Variants in DOCK2 observed in about 807,000 individuals in gnomAD.
DOCK2 encodes dedicator of cytokinesis protein 2.
DOCK2 carries 87 observed loss-of-function variants against 248.9 expected under a neutral mutation model. That is an observed-to-expected ratio of 0.35 (90% CI 0.29 to 0.42). The LOEUF (loss-of-function observed/expected upper bound fraction) is 0.42, where lower values mean the gene tolerates loss of function less well. Among genes scored for constraint, DOCK2 ranks in the 10% least tolerant of loss-of-function variants. The pLI is 1.00. For missense variants in DOCK2, 1,747 were observed against 2,300.2 expected (o/e 0.76, Z 4.92); for synonymous variants, 805 against 821.6 (o/e 0.98, Z 0.35).
At chr5:169,947,931 C>T (rs1776510884) in intron 27 of DOCK2, among the ~76,000 whole-genome samples, 1 of 152,174 alleles carries the variant, frequency 6.6e-6, no homozygotes, top group Non-Finnish European at 1.5e-5. Context: ...TGCAGTGCCG[C>T]TGCGTTCTGC....
chr5:169,884,352 T>TA (rs1772847654), intron 27 of DOCK2: 1 of 153,746 alleles, frequency 6.5e-6, no homozygotes, highest in African/African-American at 2.4e-5. Context: ...GTCTAGAACA[T>TA]ACAGCTTTTT....
chr5:170,053,554 C>T (rs1581560014), intron 41 of DOCK2, among the ~76,000 whole-genome samples: 2 of 152,292 alleles, frequency 1.3e-5, no homozygotes, highest in South Asian at 2.1e-4. Context: ...CAGATTTGAC[C>T]GCAGGGCCAT....
intron 22 of DOCK2, among the ~76,000 whole-genome samples, chr5:169,745,849 T>C (rs1038042186): frequency 5.9e-5 from 9 of 152,310 alleles, no homozygotes; most frequent in African/African-American, 2.2e-4. Context: ...GTGGCAGTTA[T>C]CTCTGGTGGC....
In DOCK2 at chr5:169,877,786, G is replaced by C. The variant is rs780449124; in HGVS notation, c.2799+36934G>C. Among the ~76,000 whole-genome samples the C allele has an allele frequency of 7.9e-5, 12 of 152,262 alleles. No homozygotes were observed. The South Asian group carries it at 2.5e-3, about 32-fold the overall frequency. ...CTAAGGATAAGACGAGGAGCAGTCTGTCCAGGTGGACCCTGGACAAACAAA... is the reference window on the plus strand; with the variant it reads ...CTAAGGATAAGACGAGGAGCAGTCTCTCCAGGTGGACCCTGGACAAACAAA... On this transcript the variant is annotated intron_variant, in intron 27 of 51. Coordinates refer to ENST00000520908, the MANE Select transcript of DOCK2 (RefSeq NM_004946.3).
chr5:169,959,245 T>A (rs1167332563), intron 27 of DOCK2, among the ~76,000 whole-genome samples: 1 of 151,620 alleles, frequency 6.6e-6, no homozygotes, highest in African/African-American at 2.4e-5. Context: ...ACAAAAAAAA[T>A]AGCTGGGCGT....
intron 27 of DOCK2, among the ~76,000 whole-genome samples, chr5:169,898,202 G>T (rs1232718004): frequency 6.6e-6 from 1 of 152,096 alleles, no homozygotes; most frequent in Non-Finnish European, 1.5e-5. Context: ...GTGTCCCTGG[G>T]GCTCCCACAG....
intron 27 of DOCK2, among the ~76,000 whole-genome samples, chr5:169,877,215 G>A (rs1223621195): frequency 6.6e-6 from 1 of 152,200 alleles, no homozygotes; most frequent in Non-Finnish European, 1.5e-5. Flanking sequence ...CCCCATGGCT[G>A]GAGAGGAGCC....
Position 169,962,692 on chromosome 5 carries a change from G to A in DOCK2, c.2800-20376G>A, listed in dbSNP as rs144384775. On this transcript the variant is annotated intron_variant, in intron 27 of 51. Coordinates refer to ENST00000520908, the MANE Select transcript of DOCK2 (RefSeq NM_004946.3). ...CTTGAAATGACATATTGGAAAATAC[G>A]GCACTAAAAAGTAGGGAATGATAAC... is the stretch of plus-strand genomic sequence containing the variant. 3.3e-3 allele frequency among the ~76,000 whole-genome samples: 500 copies of A among 152,192 alleles called. 6 individuals are homozygous for A. The highest frequency in any genetic ancestry group is 0.011 in the African/African-American group (473 of 41,516).
At chr5:169,891,262 C>T (rs1012174717) in intron 27 of DOCK2, among the ~76,000 whole-genome samples, 9 of 152,192 alleles carry the variant, frequency 5.9e-5, no homozygotes, top group East Asian at 1.9e-4. Context: ...TCTCCCCTTC[C>T]GTGTCCCTCT....
At chr5:169,895,050 A>G (rs1042540660) in intron 27 of DOCK2, among the ~76,000 whole-genome samples, 1 of 152,060 alleles carries the variant, frequency 6.6e-6, no homozygotes, top group African/African-American at 2.4e-5. Context: ...GCTGGAATCG[A>G]TGTTGCATTC....
rs1182317986 is a variant in DOCK2 at position 169,804,494 on chromosome 5, G to GCGCGCA, written c.2703+1290_2703+1291insCGCACG. Among the ~76,000 whole-genome samples, 107 of 57,964 alleles carry GCGCGCA rather than the reference G, an allele frequency of 1.8e-3. 1 individual carries two copies. Among genetic ancestry groups the GCGCGCA allele is most frequent in the African/African-American group, 3.7e-3 (103 of 27,800 alleles). The allele number at this position is 57,964 out of a possible 152,430, so 38.0% of individuals were successfully genotyped here. A position where few individuals can be genotyped will look rare whatever the true frequency, so the allele number is the denominator to read the frequency against. ...TGTGTGTGTGTGTGTGTGCGCGCGCGCGTGCGCGTAAGCATTTTTGTCAAG... is the reference window on the plus strand; with the variant it reads ...TGTGTGTGTGTGTGTGTGCGCGCGCGCGCGCACGTGCGCGTAAGCATTTTTGTCAAG... On this transcript the variant is annotated intron_variant, in intron 26 of 51. Transcript: ENST00000520908.
intron 2 of DOCK2, among the ~76,000 whole-genome samples, chr5:169,667,521 A>G (rs1736862273): frequency 1.3e-5 from 2 of 152,232 alleles, no homozygotes; most frequent in South Asian, 2.1e-4. Flanking sequence ...TAATAATAAT[A>G]TTACAAAGTT....
chr5:169,720,414 T>G (rs769363516), intron 22 of DOCK2, among the ~76,000 whole-genome samples: 124 of 152,316 alleles, frequency 8.1e-4, no homozygotes, highest in Admixed American at 3.3e-3. Context: ...ATTTTATTGC[T>G]TCTCCTCTCT....
chr5:170,022,456 G>A (rs1755763432), intron 33 of DOCK2, among the ~76,000 whole-genome samples: 1 of 151,846 alleles, frequency 6.6e-6, no homozygotes, highest in Admixed American at 6.6e-5. Flanking sequence ...CAGCTGATGG[G>A]TTTGACTGAT....
At chr5:169,981,986 T>C (rs1010270419) in intron 27 of DOCK2, among the ~76,000 whole-genome samples, 18 of 152,202 alleles carry the variant, frequency 1.2e-4, no homozygotes, top group African/African-American at 4.3e-4. Flanking sequence ...AAGGTATGCC[T>C]GTATATATTT....
intron 22 of DOCK2, among the ~76,000 whole-genome samples, chr5:169,737,447 T>C (rs1202435421): frequency 6.6e-6 from 1 of 152,160 alleles, no homozygotes; most frequent in Non-Finnish European, 1.5e-5. Flanking sequence ...TCTTTGATCC[T>C]TTTTCCTGGC....
chr5:169,870,594 G>T (rs1031800636), intron 27 of DOCK2, among the ~76,000 whole-genome samples: 12 of 151,600 alleles, frequency 7.9e-5, no homozygotes, highest in Admixed American at 2.6e-4. Context: ...TTAATTTTTT[G>T]ATTTTTTAAA....
intron 27 of DOCK2, among the ~76,000 whole-genome samples, chr5:169,843,133 T>C (rs894696041): frequency 2.0e-5 from 3 of 152,220 alleles, no homozygotes; most frequent in Non-Finnish European, 4.4e-5. Flanking sequence ...TGCCCAAACA[T>C]GCTGGCACTG....
chr5:170,013,736 T>C (rs892177905), intron 32 of DOCK2, among the ~76,000 whole-genome samples: 11 of 152,132 alleles, frequency 7.2e-5, no homozygotes, highest in African/African-American at 2.7e-4. Context: ...ACAAAATAAA[T>C]GTGTACTGTT....
Sources: gnomAD v4.1 joint callset for allele counts (sites outside exome capture counted in the v4.1 genomes callset) on GRCh38, gnomAD v4.1.1 for gene constraint, MANE v1.5 for transcripts, NCBI Gene and HGNC (gene_info 2026-07-23, HGNC 2026-07-21) for gene names.